Variants in INTS7 observed in about 807,000 individuals in gnomAD.
The protein encoded by INTS7 is chromosome 1 open reading frame 73.
INTS7 carries 46 observed loss-of-function variants against 109.2 expected under a neutral mutation model. The observed-to-expected ratio is 0.42, with a 90% CI of 0.33 to 0.54. The LOEUF is 0.54. Ranked by LOEUF, INTS7 falls within the 20% of genes least tolerant of loss-of-function variation. The probability of loss-of-function intolerance (pLI) is 0.07; values close to 1 mark genes in which losing one functional copy is unlikely to be tolerated. For synonymous variants in INTS7, 412 were observed against 402.9 expected (o/e 1.02, Z -0.27); for missense variants, 929 against 1,132.4 (o/e 0.82, Z 2.58).
rs114643125 is a variant in INTS7 at position 212,001,358 on chromosome 1, C to T, written c.879+5281G>A. On this transcript the variant is annotated intron_variant, in intron 7 of 19. Coordinates refer to ENST00000366994, the MANE Select transcript of INTS7 (RefSeq NM_015434.4). The stretch of plus-strand genomic sequence containing the variant: ...GAGCCACCACGCCCGGCCCAGAATT[C>T]CTCTTAAAACGTTTTCTACAGTAGG... Among the ~76,000 whole-genome samples the T allele has an allele frequency of 7.9e-3, 1,208 of 152,198 alleles. 16 individuals are homozygous for T. The highest frequency in any genetic ancestry group is 0.027 in the African/African-American group (1,135 of 41,524).
chr1:211,967,344 A>G (rs1371523667), intron 15 of INTS7, among the ~76,000 whole-genome samples: 1 of 149,072 alleles, frequency 6.7e-6, no homozygotes, highest in Non-Finnish European at 1.5e-5. Flanking sequence ...CCCAGCTACT[A>G]GGGAGGCTGG....
chr1:212,028,172 T>C (rs542552678), intron 1 of INTS7, among the ~76,000 whole-genome samples: 44 of 152,312 alleles, frequency 2.9e-4, no homozygotes, highest in African/African-American at 8.2e-4. Flanking sequence ...ATAACTTATT[T>C]AACTAGCCTG....
intron 16 of INTS7, among the ~76,000 whole-genome samples, chr1:211,962,260 TAAAAA>T (rs35134976): frequency 3.2e-4 from 25 of 79,330 alleles, no homozygotes; most frequent in African/African-American, 1.2e-3. Flanking sequence ...CAACAAAGAT[TAAAAA>T]AAAAAAAAAA....
intron 9 of INTS7, among the ~76,000 whole-genome samples, chr1:211,982,030 G>A (rs1571872879): frequency 6.6e-6 from 1 of 152,230 alleles, no homozygotes; most frequent in East Asian, 1.9e-4. Flanking sequence ...AAGGCTAGGG[G>A]GGATAAGAGG....
intron 1 of INTS7, among the ~76,000 whole-genome samples, chr1:212,028,758 T>A (rs1174296342): frequency 1.3e-5 from 2 of 152,216 alleles, no homozygotes; most frequent in African/African-American, 4.8e-5. Context: ...TCTGTGCCAG[T>A]CACTTTAAGC....
Position 211,974,276 on chromosome 1 carries a change from A to ATATATATATATATAT in INTS7, c.1815+889_1815+890insATATATATATATATA, listed in dbSNP as rs1553249482. Among the ~76,000 whole-genome samples the ATATATATATATATAT allele has an allele frequency of 6.5e-5, 6 of 92,420 alleles. No homozygotes were observed. In the East Asian group the frequency reaches 1.1e-3, roughly 17 times the overall value. 60.6% of individuals were successfully genotyped at this position (92,420 alleles called of 152,430 possible). On this transcript the variant is annotated intron_variant, in intron 13 of 19. Coordinates refer to ENST00000366994, the MANE Select transcript of INTS7 (RefSeq NM_015434.4). ...CAACAATCTCTTCCCAGAAAAAAAA[A>ATATATATATATATAT]ATATATATATATATATATATATATA...
intron 17 of INTS7, among the ~76,000 whole-genome samples, chr1:211,948,912 G>A (rs1376040350): frequency 2.0e-5 from 3 of 152,166 alleles, no homozygotes; most frequent in South Asian, 2.1e-4. Flanking sequence ...TCACCATGTT[G>A]GTCAGGCTGA....
intron 1 of INTS7, among the ~76,000 whole-genome samples, chr1:212,024,312 A>AT (rs912134896): frequency 3.9e-5 from 6 of 152,090 alleles, no homozygotes; most frequent in African/African-American, 1.4e-4. Flanking sequence ...GGCCATTTTA[A>AT]TGATATTGAT....
At chr1:211,979,074 A>T (rs1664540956) in intron 10 of INTS7, among the ~76,000 whole-genome samples, 1 of 152,226 alleles carries the variant, frequency 6.6e-6, no homozygotes, top group African/African-American at 2.4e-5. Context: ...TGGCTACAGA[A>T]TTTCTCTTAC....
At chr1:212,022,400 CAA>C (rs942544031) in intron 1 of INTS7, among the ~76,000 whole-genome samples, 1 of 152,180 alleles carries the variant, frequency 6.6e-6, no homozygotes, top group Non-Finnish European at 1.5e-5. Flanking sequence ...AAAACATTTA[CAA>C]AACACATATG....
At chr1:212,011,752 T>C in intron 4 of INTS7, 1 of 210,056 alleles carries the variant, frequency 4.8e-6, no homozygotes, top group Non-Finnish European at 9.5e-6. Context: ...TTCACTCCTA[T>C]ATTTCTGGAA....
intron 13 of INTS7, among the ~76,000 whole-genome samples, chr1:211,972,309 C>T (rs1232496697): frequency 1.3e-5 from 2 of 152,104 alleles, no homozygotes; most frequent in Non-Finnish European, 2.9e-5. Context: ...GCTGGTTCCT[C>T]TGATTCAAGT....
At chr1:211,992,566 C>G (rs1327989452) in intron 7 of INTS7, among the ~76,000 whole-genome samples, 1 of 152,002 alleles carries the variant, frequency 6.6e-6, no homozygotes, top group Non-Finnish European at 1.5e-5. Flanking sequence ...ATCTGTAGTC[C>G]TAGCTACTTG....
chr1:211,960,288 T>TA (rs879717277), intron 16 of INTS7, among the ~76,000 whole-genome samples: 49 of 145,206 alleles, frequency 3.4e-4, no homozygotes, highest in South Asian at 4.4e-4. Context: ...CAAATAGGAT[T>TA]AAAAAAAAAA....
At chr1:212,011,592 A>G (rs1241874420) in intron 4 of INTS7, 171 bp from the exon 5 acceptor site, 3 of 588,808 alleles carry the variant, frequency 5.1e-6, no homozygotes, top group African/African-American at 1.9e-5. Flanking sequence ...AACACAACTA[A>G]AACAAAAACT....
chr1:211,997,328 T>C (rs1665445615), intron 7 of INTS7, among the ~76,000 whole-genome samples: 1 of 151,728 alleles, frequency 6.6e-6, no homozygotes, highest in African/African-American at 2.4e-5. Context: ...GCAAATCATT[T>C]GAGACCCGGA....
chr1:211,961,207 C>T (rs942647820), intron 16 of INTS7, among the ~76,000 whole-genome samples: 3 of 151,674 alleles, frequency 2.0e-5, no homozygotes, highest in Admixed American at 6.6e-5. Flanking sequence ...AAAAAGAGGC[C>T]AACATTCAAA....
intron 17 of INTS7, among the ~76,000 whole-genome samples, chr1:211,950,079 T>A (rs909507252): frequency 2.0e-5 from 3 of 152,232 alleles, no homozygotes; most frequent in African/African-American, 7.2e-5. Flanking sequence ...TTAATGCACA[T>A]ATACTGTATT....
intron 13 of INTS7, among the ~76,000 whole-genome samples, chr1:211,973,441 C>T (rs1204844666): frequency 1.3e-5 from 2 of 152,152 alleles, no homozygotes; most frequent in Non-Finnish European, 2.9e-5. Flanking sequence ...ACTTTGCTAT[C>T]GGGTCTCCAT....
Sources: allele counts gnomAD v4.1 joint callset (sites outside exome capture counted in the v4.1 genomes callset), GRCh38; gene constraint gnomAD v4.1.1; transcripts MANE v1.5; gene names NCBI Gene and HGNC (gene_info 2026-07-23, HGNC 2026-07-21).